Variants in EYS observed in about 807,000 individuals in gnomAD.
EYS encodes the protein protein eyes shut homolog.
Under a neutral mutation model 282.1 loss-of-function variants are expected in EYS, and 250 were observed. That is an observed-to-expected ratio of 0.89 (90% CI 0.80 to 0.98). The LOEUF is 0.98. EYS is among the 50% of genes least tolerant of loss of function. EYS has a pLI of 0.00. For synonymous variants in EYS, 1,355 were observed against 1,282.9 expected (o/e 1.06, Z -1.20); for missense variants, 4,016 against 3,709.0 (o/e 1.08, Z -2.15).
chr6:64,099,600 G>A lies in EYS; in HGVS notation c.6425-17598C>T, dbSNP rs115189885. On this transcript the variant is annotated intron_variant, in intron 31 of 42. Transcript: ENST00000503581. ...ATCTTGTTGACAATATCTGGTGATC[G>A]GACACAGAAATAGACAGTATCTAGA... Among the ~76,000 whole-genome samples the A allele has an allele frequency of 4.8e-3, 728 of 151,926 alleles. 1 individual carries two copies. Among genetic ancestry groups the A allele is most frequent in the African/African-American group, 0.016 (662 of 41,438 alleles).
intron 28 of EYS, among the ~76,000 whole-genome samples, chr6:64,405,330 T>C (rs1773670937): frequency 6.6e-6 from 1 of 152,096 alleles, no homozygotes; most frequent in Non-Finnish European, 1.5e-5. Context: ...GTTTGTTTTG[T>C]TCTGGTTTGG....
intron 34 of EYS, among the ~76,000 whole-genome samples, chr6:63,994,646 T>C (rs955806854): frequency 6.6e-6 from 1 of 151,848 alleles, no homozygotes; most frequent in African/African-American, 2.4e-5. Flanking sequence ...TTCCACACAG[T>C]AGGAAACTAT....
At chr6:65,349,211 A>G (rs970149573) in intron 9 of EYS, among the ~76,000 whole-genome samples, 3 of 151,662 alleles carry the variant, frequency 2.0e-5, no homozygotes, top group Admixed American at 2.0e-4. Flanking sequence ...TTGACTACCA[A>G]TGCGGTGGTG....
chr6:63,990,794 T>A (rs1454520817), intron 34 of EYS, among the ~76,000 whole-genome samples: 3 of 151,594 alleles, frequency 2.0e-5, no homozygotes, highest in Non-Finnish European at 4.4e-5. Flanking sequence ...TTACTCTCAA[T>A]ATCTGGGGAC....
intron 8 of EYS, among the ~76,000 whole-genome samples, chr6:65,376,230 T>C (rs546899301): frequency 2.0e-5 from 3 of 152,206 alleles, no homozygotes; most frequent in South Asian, 4.1e-4. Context: ...GTCAACAATC[T>C]TAAAGAAAAG....
rs370355809 is a variant in EYS, at chr6:64,746,741, T to C, written c.3443+66637A>G. On this transcript the variant is annotated intron_variant, in intron 22 of 42. Transcript: ENST00000503581. ...CAGACTGTATATAGGCTGATGTGCT[T>C]TTGTGGAGGATAAAGCAACTTTGTC... is the stretch of plus-strand genomic sequence containing the variant. 4.6e-5 allele frequency among the ~76,000 whole-genome samples: 7 copies of C among 152,334 alleles called. No homozygotes were observed. In the East Asian group the frequency reaches 9.7e-4, roughly 21 times the overall value.
At chr6:65,317,982 C>G (rs1242538125) in intron 11 of EYS, among the ~76,000 whole-genome samples, 6 of 151,088 alleles carry the variant, frequency 4.0e-5, no homozygotes, top group African/African-American at 1.5e-4. Context: ...ATTCTCCTGC[C>G]TCAGCCTCCA....
rs187574488 is a variant in EYS, at chr6:65,543,872, C to T, written c.-332-47879G>A. On this transcript the variant is annotated intron_variant, in intron 2 of 42. Transcript: ENST00000503581. Reference sequence around the variant, plus strand: ...GCAGTGAATAGTAATTCGTCAACTTCTCTCTACCATTGCTGGAGTGAAGGG... The same window carrying T: ...GCAGTGAATAGTAATTCGTCAACTTTTCTCTACCATTGCTGGAGTGAAGGG... Among the ~76,000 whole-genome samples, 114 of 152,340 alleles carry T rather than the reference C, an allele frequency of 7.5e-4. 1 individual carries two copies. The East Asian group carries it at 0.019, about 26-fold the overall frequency.
At position 65,153,726 on chromosome 6, in the gene EYS, C is replaced by A. The variant is rs1002054559; in HGVS notation, c.2024-95999G>T. Among the ~76,000 whole-genome samples, 3 of 151,668 alleles carry A rather than the reference C, an allele frequency of 2.0e-5. No individual in the cohort carries two copies. In the East Asian group the frequency reaches 5.8e-4, roughly 30 times the overall value. On this transcript the variant is annotated intron_variant, in intron 12 of 42. Coordinates refer to ENST00000503581, the MANE Select transcript of EYS (RefSeq NM_001142800.2). Reference sequence around the variant, plus strand: ...ATATTTTGGTATAAAATCTAATAAACAGATTGAAAAGCATCTCTCTGGATT... The same window carrying A: ...ATATTTTGGTATAAAATCTAATAAAAAGATTGAAAAGCATCTCTCTGGATT...
At chr6:64,186,099 C>A (rs1764932287) in intron 31 of EYS, among the ~76,000 whole-genome samples, 1 of 152,078 alleles carries the variant, frequency 6.6e-6, no homozygotes, top group Non-Finnish European at 1.5e-5. Context: ...AAGAAGAGCA[C>A]ACAAGGCCCT....
At chr6:64,488,391 T>TA (rs1417403788) in intron 26 of EYS, among the ~76,000 whole-genome samples, 6 of 151,052 alleles carry the variant, frequency 4.0e-5, no homozygotes, top group African/African-American at 1.5e-4. Flanking sequence ...AAAGTGCTCA[T>TA]AAAATCAAAA....
chr6:64,553,551 C>CA (rs1554177824), intron 26 of EYS, among the ~76,000 whole-genome samples: 2 of 129,434 alleles, frequency 1.5e-5, no homozygotes, highest in South Asian at 3.4e-4. Context: ...TTTGACCCCC[C>CA]CCCCCCCATA....
At chr6:65,314,148 T>C in intron 11 of EYS, among the ~76,000 whole-genome samples, 1 of 150,324 alleles carries the variant, frequency 6.7e-6, no homozygotes, top group Non-Finnish European at 1.5e-5. Flanking sequence ...TGTGTGTGTA[T>C]ACATGCTTAC....
At chr6:65,450,951 C>G (rs1253468718) in intron 5 of EYS, among the ~76,000 whole-genome samples, 1 of 152,058 alleles carries the variant, frequency 6.6e-6, no homozygotes, top group Non-Finnish European at 1.5e-5. Context: ...ATTTATCTCC[C>G]TTTTAACTTT....
rs547426183 is a variant in EYS at position 65,069,619 on chromosome 6, C to T, written c.2024-11892G>A. 1.1e-4 allele frequency among the ~76,000 whole-genome samples: 17 copies of T among 152,000 alleles called. No homozygotes were observed. In the East Asian group the frequency reaches 3.1e-3, roughly 28 times the overall value. On this transcript the variant is annotated intron_variant, in intron 12 of 42. Coordinates refer to ENST00000503581, the MANE Select transcript of EYS (RefSeq NM_001142800.2). ...CGATGTAGCTTCTGTGGTTTTTCTA[C>T]TCGTATCTTAATTATTGACATGCCT... is the stretch of plus-strand genomic sequence containing the variant.
intron 29 of EYS, among the ~76,000 whole-genome samples, chr6:64,309,283 G>C (rs1769582260): frequency 6.6e-6 from 1 of 152,046 alleles, no homozygotes; most frequent in African/African-American, 2.4e-5. Context: ...GTCTATAAAG[G>C]AAATGACTCT....
chr6:65,586,987 T>G (rs2127364942), intron 2 of EYS, among the ~76,000 whole-genome samples: 1 of 152,208 alleles, frequency 6.6e-6, no homozygotes, highest in Admixed American at 6.6e-5. Context: ...TTATTTTATT[T>G]CCAAAGCTTA....
At chr6:64,344,966 A>G (rs1369660797) in intron 29 of EYS, among the ~76,000 whole-genome samples, 4 of 152,126 alleles carry the variant, frequency 2.6e-5, no homozygotes, top group Admixed American at 2.0e-4. Context: ...CAAAGAGAAT[A>G]AAATACCTAG....
intron 26 of EYS, among the ~76,000 whole-genome samples, chr6:64,447,418 A>G (rs930429076): frequency 6.6e-6 from 1 of 152,018 alleles, no homozygotes; most frequent in African/African-American, 2.4e-5. Flanking sequence ...AGTATATGAT[A>G]GGTTTTATTA....
Sources: allele counts gnomAD v4.1 joint callset (sites outside exome capture counted in the v4.1 genomes callset), GRCh38; gene constraint gnomAD v4.1.1; transcripts MANE v1.5; gene names NCBI Gene and HGNC (gene_info 2026-07-23, HGNC 2026-07-21).